DDAH1: variants seen among roughly 807,000 people sequenced by gnomAD.
DDAH1 encodes the protein dimethylarginine dimethylaminohydrolase 1.
Under a neutral mutation model 28.8 loss-of-function variants are expected in DDAH1, and 19 were observed. The observed-to-expected ratio is 0.66, with a 90% confidence interval of 0.46 to 0.97. The LOEUF (loss-of-function observed/expected upper bound fraction) is 0.97, where lower values mean the gene tolerates loss of function less well. Ranked by LOEUF, DDAH1 falls within the 50% of genes least tolerant of loss-of-function variation. DDAH1 has a pLI of 0.00. For synonymous variants in DDAH1, 153 were observed against 154.4 expected (o/e 0.99, Z 0.07); for missense variants, 326 against 375.9 (o/e 0.87, Z 1.10).
intron 1 of DDAH1, among the ~76,000 whole-genome samples, chr1:85,409,762 G>T (rs2100593659): frequency 6.6e-6 from 1 of 152,222 alleles, no homozygotes; most frequent in Non-Finnish European, 1.5e-5. Context: ...GCATATATAA[G>T]TTTTCAACTT....
chr1:85,493,419 C>T (rs1347084384), intron 2 of DDAH1: 2 of 152,092 alleles, frequency 1.3e-5, no homozygotes, highest in Admixed American at 6.6e-5. Context: ...CCACAACATA[C>T]TAATATTCAT....
intron 4 of DDAH1, among the ~76,000 whole-genome samples, chr1:85,340,979 G>A (rs1648439633): frequency 6.6e-6 from 1 of 152,162 alleles, no homozygotes; most frequent in South Asian, 2.1e-4. Flanking sequence ...TGCCAGCTAT[G>A]CCTGACGTTC....
At chr1:85,344,284 GAAAACTATAGCTGTATCCCATAA>G (rs769019021) in intron 4 of DDAH1, among the ~76,000 whole-genome samples, 4 of 152,016 alleles carry the variant, frequency 2.6e-5, no homozygotes, top group Non-Finnish European at 5.9e-5. Flanking sequence ...GTCCACCAAA[GAAAACTATAGCTGTATCCCATAA>G]ATATACACAA....
At chr1:85,345,022 A>C (rs1648756375) in intron 4 of DDAH1, among the ~76,000 whole-genome samples, 1 of 152,172 alleles carries the variant, frequency 6.6e-6, no homozygotes, top group Non-Finnish European at 1.5e-5. Context: ...TATTTTTCCT[A>C]AACTTTAAAA....
At chr1:85,519,611 T>C (rs1252702927) in intron 1 of DDAH1, among the ~76,000 whole-genome samples, 2 of 152,154 alleles carry the variant, frequency 1.3e-5, no homozygotes, top group Non-Finnish European at 2.9e-5. Flanking sequence ...ATGAAAAATT[T>C]CAATAAATAA....
chr1:85,350,909 T>C (rs1420318906), intron 3 of DDAH1, among the ~76,000 whole-genome samples: 1 of 152,086 alleles, frequency 6.6e-6, no homozygotes, highest in African/African-American at 2.4e-5. Context: ...GCCAATCTAT[T>C]AATAATCAAT....
intron 1 of DDAH1, among the ~76,000 whole-genome samples, chr1:85,574,576 T>G (rs61146829): frequency 1.3e-5 from 2 of 152,190 alleles, no homozygotes; most frequent in Non-Finnish European, 2.9e-5. Context: ...GGCAGTGAAG[T>G]ATCCACACAG....
At chr1:85,344,880 C>G (rs1648744928) in intron 4 of DDAH1, among the ~76,000 whole-genome samples, 1 of 152,034 alleles carries the variant, frequency 6.6e-6, no homozygotes, top group African/African-American at 2.4e-5. Flanking sequence ...AAATTAAAAA[C>G]AGGGTAGTCT....
chr1:85,474,577 C>T (rs1172029812), intron 2 of DDAH1, among the ~76,000 whole-genome samples: 2 of 152,148 alleles, frequency 1.3e-5, no homozygotes, highest in Non-Finnish European at 2.9e-5. Context: ...TTCCCTGGGT[C>T]CCCAGGTGGG....
intron 1 of DDAH1, among the ~76,000 whole-genome samples, chr1:85,360,177 C>A (rs1284032349): frequency 6.6e-6 from 1 of 152,156 alleles, no homozygotes; most frequent in East Asian, 1.9e-4. Flanking sequence ...AATACTTTGA[C>A]AACAAGCCTG....
intron 1 of DDAH1, among the ~76,000 whole-genome samples, chr1:85,540,989 A>C (rs1658456970): frequency 6.7e-6 from 1 of 150,056 alleles, no homozygotes; most frequent in Admixed American, 6.7e-5. Context: ...AAAAATGTAT[A>C]TCTATATCTA....
At chr1:85,359,493 T>C (rs1233624434) in intron 1 of DDAH1, among the ~76,000 whole-genome samples, 4 of 152,200 alleles carry the variant, frequency 2.6e-5, no homozygotes, top group African/African-American at 9.7e-5. Flanking sequence ...CCATTTTAAA[T>C]CTTATGTCAG....
At chr1:85,470,209 TTTTATGGACTCACAGTTCCA>T (rs1233497544) in intron 2 of DDAH1, among the ~76,000 whole-genome samples, 11 of 152,108 alleles carry the variant, frequency 7.2e-5, no homozygotes, top group South Asian at 2.1e-4. Flanking sequence ...GAAAAAGAGA[TTTTATGGACTCACAGTTCCA>T]TGTGACTGGG....
chr1:85,526,831 G>A (rs1256718217), intron 1 of DDAH1, among the ~76,000 whole-genome samples: 1 of 147,828 alleles, frequency 6.8e-6, no homozygotes, highest in Non-Finnish European at 1.5e-5. Context: ...TCTAAAAAGA[G>A]AATTAGAGAA....
Position 85,400,397 on chromosome 1 carries a change from T to C in DDAH1, c.304-41550A>G, listed in dbSNP as rs371801187. ...TTTTGTATTTTTAGTAGAGAGAGGG[T>C]TTTGCCCTGTTGGCCAAGCTGGTCT... On this transcript the variant is annotated intron_variant, in intron 1 of 5. Coordinates refer to ENST00000284031, the MANE Select transcript of DDAH1 (RefSeq NM_012137.4). 9.7e-4 allele frequency among the ~76,000 whole-genome samples: 147 copies of C among 151,872 alleles called. 1 individual carries two copies. The highest frequency in any genetic ancestry group is 3.4e-3 in the Middle Eastern group (1 of 294).
chr1:85,479,416 A>G (rs954069547), intron 2 of DDAH1, among the ~76,000 whole-genome samples: 1 of 146,312 alleles, frequency 6.8e-6, no homozygotes, highest in Admixed American at 6.8e-5. Context: ...CTCATGATCC[A>G]CCCGCCTCGG....
At chr1:85,483,947 TA>T (rs1247952688) in intron 2 of DDAH1, among the ~76,000 whole-genome samples, 2 of 152,184 alleles carry the variant, frequency 1.3e-5, no homozygotes, top group African/African-American at 4.8e-5. Context: ...TGCTATGTCT[TA>T]AAGACATGGT....
chr1:85,501,878 T>G (rs1361380352), intron 1 of DDAH1, among the ~76,000 whole-genome samples: 1 of 152,190 alleles, frequency 6.6e-6, no homozygotes, highest in African/African-American at 2.4e-5. Context: ...TTGCTCATCA[T>G]CTCCTGTTTG....
upstream of DDAH1, chr1:85,467,532 A>T (rs1449093990): frequency 6.6e-6 from 1 of 152,200 alleles, no homozygotes; most frequent in Non-Finnish European, 1.5e-5. Flanking sequence ...TATCTCGTGC[A>T]TTACTTATTA....
Sources: gnomAD v4.1 joint callset for allele counts (sites outside exome capture counted in the v4.1 genomes callset) on GRCh38, gnomAD v4.1.1 for gene constraint, MANE v1.5 for transcripts, NCBI Gene and HGNC (gene_info 2026-07-23, HGNC 2026-07-21) for gene names.